ZBTB45: variants seen among roughly 807,000 people sequenced by gnomAD.
ZBTB45 encodes the protein zinc finger and BTB domain containing 45.
In ZBTB45, 22 loss-of-function variants were observed where a neutral mutation model predicts 28.4. The observed-to-expected ratio is 0.77, with a 90% CI of 0.55 to 1.10. The LOEUF is 1.10. Ranked by LOEUF, ZBTB45 falls within the 50% of genes least tolerant of loss-of-function variation. ZBTB45 has a pLI of 0.00. For missense variants in ZBTB45, 656 were observed against 750.2 expected, an observed-to-expected ratio of 0.87 and a Z score of 1.47; for synonymous variants, 361 against 332.3, an observed-to-expected ratio of 1.09 and a Z score of -0.94.
exon 1 of ZBTB45, chr19:58,538,727 G>A (rs925579886): frequency 2.0e-5 from 3 of 152,098 alleles, no homozygotes; most frequent in African/African-American, 7.3e-5. Context: ...AGTGGCGAAT[G>A]GGTTTCATGG....
At chr19:58,536,080 TG>T (rs1368214316) in intron 1 of ZBTB45, among the ~76,000 whole-genome samples, 1 of 151,948 alleles carries the variant, frequency 6.6e-6, no homozygotes, top group Admixed American at 6.6e-5. Context: ...TCACCAGAAT[TG>T]GATTTTTTTT....
chr19:58,530,236 C>CACACACACACACA, intron 1 of ZBTB45, among the ~76,000 whole-genome samples: 1 of 147,286 alleles, frequency 6.8e-6, no homozygotes, highest in Non-Finnish European at 1.5e-5. Flanking sequence ...CACACACACA[C>CACACACACACACA]CTCAGTTGTA....
rs2053516657 is a variant in ZBTB45 at position 58,517,131 on chromosome 19, CAGCTGCAAACGCGCGGGCT to C, written c.524_542del (p.Gln175ArgfsTer142). The C allele has an allele frequency of 6.2e-7, 1 of 1,612,498 alleles. No individual in the cohort carries two copies. The highest frequency in any genetic ancestry group is 1.1e-5 in the South Asian group (1 of 91,068). ...CCTTGGCAGGTGTTGGGGGCGCTGG[CAGCTGCAAACGCGCGGGCT>C]GGCGCTGCTTACGGCTGTGTGCAGC... On this transcript the variant is annotated frameshift_variant, in exon 2 of 3. Transcript: ENST00000594051. LOFTEE classifies it high-confidence loss of function.
Position 58,517,304 on chromosome 19 carries a change from G to T in ZBTB45, c.370C>A (p.Arg124Ser). Reference sequence around the variant, plus strand: ...GCAGAGGTGCCCGGGGCTCGAGCGCGGGCGATAATCTGCGTGCATTCGTCG... The same window carrying T: ...GCAGAGGTGCCCGGGGCTCGAGCGCTGGCGATAATCTGCGTGCATTCGTCG... ...VIDECTQIIA[R>S]ARAPGTSAPT... Residue 124 changes from arginine to serine, a missense_variant, in exon 2 of 3, where the codon CGC becomes AGC. By Grantham distance (110) the Arg-to-Ser change is moderately radical (BLOSUM62 -1). Around this residue, in one of 3 missense-constraint regions of ZBTB45, gnomAD observed 448 missense variants for 444.3 expected, o/e 1.01. Transcript: ENST00000594051. 1 of 1,604,850 alleles carries T rather than the reference G, an allele frequency of 6.2e-7. No individual in the cohort carries two copies. The highest frequency in any genetic ancestry group is 8.5e-7 in the Non-Finnish European group (1 of 1,178,038).
upstream of ZBTB45, among the ~76,000 whole-genome samples, chr19:58,521,795 A>G (rs1299635701): frequency 6.6e-5 from 10 of 152,064 alleles, no homozygotes. Context: ...CCCCTTCGTG[A>G]TCTCATTCCT....
intron 1 of ZBTB45, among the ~76,000 whole-genome samples, chr19:58,527,445 G>A (rs993320623): frequency 2.0e-5 from 3 of 152,150 alleles, no homozygotes; most frequent in African/African-American, 7.2e-5. Context: ...CTGTCCCCAT[G>A]AATCTGTCCA....
chr19:58,530,431 C>G (rs1050766434), intron 1 of ZBTB45, among the ~76,000 whole-genome samples: 1 of 152,058 alleles, frequency 6.6e-6, no homozygotes, highest in Non-Finnish European at 1.5e-5. Context: ...CCTCGCCTCC[C>G]AAGTAGCTGG....
At chr19:58,528,125 A>C (rs1008658618) in intron 1 of ZBTB45, among the ~76,000 whole-genome samples, 2 of 152,212 alleles carry the variant, frequency 1.3e-5, no homozygotes, top group Non-Finnish European at 2.9e-5. Context: ...AACGTGCATC[A>C]GCAAGATAGC....
rs2053523716 is a variant in ZBTB45, at chr19:58,517,357, G to A, written c.317C>T (p.Ala106Val). ...QGEALQVLTA[A>V]SVLRIQTVID... Reference sequence around the variant, plus strand: ...AACTGTCTGTATGCGAAGCACTGACGCGGCCGTGAGCACCTGCAGGGCTTC... The same window carrying A: ...AACTGTCTGTATGCGAAGCACTGACACGGCCGTGAGCACCTGCAGGGCTTC... The change falls in exon 2 of 3, where the codon GCG becomes GTG. Residue 106 changes from alanine (A) to valine (V), a missense_variant. Ala to Val is a moderately conservative substitution (Grantham distance 64). This residue lies in a region of ZBTB45 where 105 missense variants were observed against 152.4 expected (regional missense o/e 0.69). Coordinates refer to ENST00000594051, the MANE Select transcript of ZBTB45 (RefSeq NM_001316979.2). 6 of 1,612,254 alleles carry A rather than the reference G, an allele frequency of 3.7e-6. No homozygotes were observed. Among genetic ancestry groups the A allele is most frequent in the Admixed American group, 1.7e-5 (1 of 60,002 alleles).
At chr19:58,530,237 C>A (rs1423260724) in intron 1 of ZBTB45, among the ~76,000 whole-genome samples, 1 of 119,226 alleles carries the variant, frequency 8.4e-6, no homozygotes, top group Non-Finnish European at 1.8e-5. Flanking sequence ...ACACACACAC[C>A]TCAGTTGTAT....
At chr19:58,530,744 C>T (rs1025319591) in intron 1 of ZBTB45, among the ~76,000 whole-genome samples, 27 of 150,930 alleles carry the variant, frequency 1.8e-4, no homozygotes, top group African/African-American at 6.1e-4. Flanking sequence ...AGTGCAGTGG[C>T]GCGATCTTGG....
chr19:58,533,064 G>A (rs1389954947), intron 1 of ZBTB45, among the ~76,000 whole-genome samples: 1 of 147,844 alleles, frequency 6.8e-6, no homozygotes, highest in Non-Finnish European at 1.5e-5. Context: ...TCAAACTCCC[G>A]ACCTCAGGTG....
At chr19:58,514,871 T>C (rs1212899358) in intron 2 of ZBTB45, among the ~76,000 whole-genome samples, 4 of 152,164 alleles carry the variant, frequency 2.6e-5, no homozygotes, top group Admixed American at 6.5e-5. Flanking sequence ...AGGAGGGACC[T>C]GGGCACATCT....
intron 1 of ZBTB45, among the ~76,000 whole-genome samples, chr19:58,528,974 C>G (rs1002750177): frequency 2.6e-5 from 4 of 151,216 alleles, no homozygotes; most frequent in Non-Finnish European, 5.9e-5. Context: ...ATGCCAGCTA[C>G]TTGGGAGGCT....
In ZBTB45 at chr19:58,516,981, G is replaced by A; in HGVS notation, c.693C>T (p.Gly231=). Reference sequence around the variant, plus strand: ...AGTCTGGGAAGGAAGGAGGTGCCTGGCCCTCGCCTGGGCCGCCACCTTCGC... The same window carrying A: ...AGTCTGGGAAGGAAGGAGGTGCCTGACCCTCGCCTGGGCCGCCACCTTCGC... ...EDGEGGGPGE[G]QAPPSFPDCA... The change falls in exon 2 of 3, where the codon GGC becomes GGT. Residue 231 remains glycine, a synonymous_variant. Coordinates refer to ENST00000594051, the MANE Select transcript of ZBTB45 (RefSeq NM_001316979.2). The surrounding 1 kb of genome is among the most constrained non-coding windows in gnomAD (Gnocchi z 6.2). 6.8e-6 allele frequency: 11 copies of A among 1,613,170 alleles called. No homozygotes were observed. Among genetic ancestry groups the A allele is most frequent in the Non-Finnish European group, 9.3e-6 (11 of 1,179,994 alleles).
At chr19:58,528,681 T>C (rs948991777) in intron 1 of ZBTB45, among the ~76,000 whole-genome samples, 3 of 151,936 alleles carry the variant, frequency 2.0e-5, no homozygotes, top group African/African-American at 7.3e-5. Flanking sequence ...GATCACGAGG[T>C]CAGGAGATCG....
chr19:58,530,190 C>T (rs1670851277), intron 1 of ZBTB45, among the ~76,000 whole-genome samples: 1 of 145,376 alleles, frequency 6.9e-6, no homozygotes, highest in African/African-American at 2.6e-5. Context: ...ATGACAGAGA[C>T]CTTGCCATGA....
intron 1 of ZBTB45, 91 bp downstream of exon 1, chr19:58,519,651 T>G (rs1195636518): frequency 6.5e-6 from 1 of 153,174 alleles, no homozygotes; most frequent in East Asian, 1.9e-4. Context: ...GTTCTCAGCG[T>G]GCGCTTCTAG....
chr19:58,531,852 A>C (rs1178280701), intron 1 of ZBTB45, among the ~76,000 whole-genome samples: 3 of 152,230 alleles, frequency 2.0e-5, no homozygotes, highest in Middle Eastern at 3.4e-3. Flanking sequence ...TATTTCCACC[A>C]TTCTTTGGGC....
Sources: gnomAD v4.1 joint callset for allele counts (sites outside exome capture counted in the v4.1 genomes callset) on GRCh38, gnomAD v4.1.1 for gene constraint, gnomAD v4.1.1 regional missense constraint, Gnocchi (gnomAD v3.1) non-coding constraint, MANE v1.5 for transcripts, NCBI Gene and HGNC (gene_info 2026-07-23, HGNC 2026-07-21) for gene names.